The following CHL1 variants were observed in gnomAD, a reference collection of about 807,000 sequenced individuals.
CHL1 encodes neural cell adhesion molecule L1-like protein.
CHL1 carries 96 observed loss-of-function variants against 141.9 expected under a neutral mutation model. The observed-to-expected ratio is 0.68, with a 90% CI of 0.57 to 0.80. The LOEUF (loss-of-function observed/expected upper bound fraction) is 0.80, where lower values mean the gene tolerates loss of function less well. Ranked by LOEUF, CHL1 falls within the 30% of genes least tolerant of loss-of-function variation. The pLI, the probability that CHL1 is intolerant of heterozygous loss-of-function variation, is 0.00. For synonymous variants in CHL1, 613 were observed against 502.2 expected (o/e 1.22, Z -2.95); for missense variants, 1,820 against 1,457.2 (o/e 1.25, Z -4.05).
At chr3:247,349 CCTT>C (rs1693265024) in intron 2 of CHL1, 2 of 151,924 alleles carry the variant, frequency 1.3e-5, no homozygotes, top group Admixed American at 1.3e-4. Flanking sequence ...GCCTCTGTCT[CCTT>C]CTATCTCCGT....
chr3:324,435 A>T (rs1291756898), intron 3 of CHL1, among the ~76,000 whole-genome samples: 1 of 152,032 alleles, frequency 6.6e-6, no homozygotes, highest in Non-Finnish European at 1.5e-5. Context: ...TCCTTTTGAA[A>T]AATATTGAGT....
intron 2 of CHL1, among the ~76,000 whole-genome samples, chr3:260,048 C>T (rs1480822381): frequency 6.6e-6 from 1 of 152,074 alleles, no homozygotes; most frequent in African/African-American, 2.4e-5. Flanking sequence ...GCCTATCACT[C>T]CAGATCAGGA....
chr3:371,120 T>G (rs1325099665), intron 15 of CHL1, among the ~76,000 whole-genome samples: 1 of 152,142 alleles, frequency 6.6e-6, no homozygotes, highest in African/African-American at 2.4e-5. Flanking sequence ...CTATTAGGTC[T>G]GCTTGGTCCA....
chr3:247,215 A>C (rs568269267), intron 2 of CHL1: 1 of 151,972 alleles, frequency 6.6e-6, no homozygotes, highest in East Asian at 1.9e-4. Context: ...TCAAATGCTT[A>C]GTTACACCAG....
chr3:323,072 T>C (rs1339227492), intron 3 of CHL1, among the ~76,000 whole-genome samples: 1 of 152,052 alleles, frequency 6.6e-6, no homozygotes, highest in Admixed American at 6.6e-5. Flanking sequence ...ATTTCTTAAT[T>C]GCATCATTGC....
At chr3:377,566 T>C (rs150721723) in intron 15 of CHL1, among the ~76,000 whole-genome samples, 9 of 152,332 alleles carry the variant, frequency 5.9e-5, no homozygotes, top group African/African-American at 2.2e-4. Flanking sequence ...CACTGACCCA[T>C]GCAAACAGAT....
chr3:315,007 A>G (rs527440300), intron 2 of CHL1, among the ~76,000 whole-genome samples: 5 of 152,192 alleles, frequency 3.3e-5, no homozygotes, highest in Non-Finnish European at 5.9e-5. Flanking sequence ...ACTTTAGAGA[A>G]TTTGCCTTTA....
intron 2 of CHL1, among the ~76,000 whole-genome samples, chr3:312,567 T>C (rs1445250577): frequency 1.3e-5 from 2 of 152,224 alleles, no homozygotes; most frequent in African/African-American, 4.8e-5. Context: ...TTCAGGCTTA[T>C]GGAAATTTGC....
At chr3:394,997 T>C (rs1708553105) in intron 24 of CHL1, 125 bp downstream of exon 24, 1 of 796,520 alleles carries the variant, frequency 1.3e-6, no homozygotes, top group African/African-American at 1.8e-5. Flanking sequence ...GTGATCCCAC[T>C]CTGTCTGACC....
intron 2 of CHL1, among the ~76,000 whole-genome samples, chr3:280,309 A>C (rs574968967): frequency 1.3e-5 from 2 of 152,132 alleles, no homozygotes; most frequent in South Asian, 4.2e-4. Flanking sequence ...TGGCACTGTC[A>C]TGGATGGTAG....
At chr3:299,671 T>G (rs1698540690) in intron 2 of CHL1, among the ~76,000 whole-genome samples, 1 of 152,174 alleles carries the variant, frequency 6.6e-6, no homozygotes, top group South Asian at 2.1e-4. Context: ...TCCATAACTC[T>G]CTTACTGCAA....
intron 15 of CHL1, among the ~76,000 whole-genome samples, chr3:374,648 C>A (rs544178782): frequency 1.3e-5 from 2 of 152,194 alleles, no homozygotes; most frequent in Non-Finnish European, 2.9e-5. Flanking sequence ...TTTCCCTAAA[C>A]AAGTAACAGG....
intron 1 of CHL1, among the ~76,000 whole-genome samples, chr3:223,140 A>T (rs1701005110): frequency 6.6e-6 from 1 of 152,166 alleles, no homozygotes; most frequent in Admixed American, 6.5e-5. Context: ...TAGGACACGA[A>T]CATCTTTGGG....
chr3:322,142 C>A (rs946958523), intron 3 of CHL1, among the ~76,000 whole-genome samples: 3 of 151,970 alleles, frequency 2.0e-5, no homozygotes, highest in Non-Finnish European at 4.4e-5. Context: ...TCCTGCTCTA[C>A]ACAGAAATAG....
rs1251161140 is a variant in CHL1 at position 197,072 on chromosome 3, G to A, written c.-175+9G>A. On this transcript the variant is annotated intron_variant, in intron 1 of 27. Transcript: ENST00000256509. ...TTTCGGAGGCGGCGCAGGTGTGTCA[G>A]GGGTGGGGGTCCGCTGGCATCTCTC... 5.9e-5 allele frequency: 9 copies of A among 152,502 alleles called. No homozygotes were observed. The highest frequency in any genetic ancestry group is 1.0e-4 in the Non-Finnish European group (7 of 68,288). 9.4% of individuals were successfully genotyped at this position (152,502 alleles called of 1,614,324 possible).
intron 2 of CHL1, among the ~76,000 whole-genome samples, chr3:277,967 A>G (rs1476031402): frequency 6.6e-6 from 1 of 152,198 alleles, no homozygotes; most frequent in East Asian, 1.9e-4. Flanking sequence ...GTTTGCATTT[A>G]GGTATTTGTA....
chr3:337,316 G>C (rs11923228), intron 5 of CHL1, among the ~76,000 whole-genome samples: 17,223 of 150,228 alleles, frequency 0.11, 1,210 homozygotes, highest in East Asian at 0.33. Flanking sequence ...TCAGCCTCCC[G>C]AGTAGCTGGG....
At chr3:215,967 A>C (rs1700283323) in intron 1 of CHL1, among the ~76,000 whole-genome samples, 1 of 152,286 alleles carries the variant, frequency 6.6e-6, no homozygotes, top group South Asian at 2.1e-4. Flanking sequence ...AGTTTCATCA[A>C]ATTTGCCAAC....
intron 15 of CHL1, among the ~76,000 whole-genome samples, chr3:371,428 C>T (rs1705614782): frequency 6.6e-6 from 1 of 152,120 alleles, no homozygotes; most frequent in Non-Finnish European, 1.5e-5. Context: ...GGATTGCAAT[C>T]CCTGCTTTGT....
Sources: gnomAD v4.1 joint callset for allele counts (sites outside exome capture counted in the v4.1 genomes callset) on GRCh38, gnomAD v4.1.1 for gene constraint, MANE v1.5 for transcripts, NCBI Gene and HGNC (gene_info 2026-07-23, HGNC 2026-07-21) for gene names.